The following GUCY1A1 variants were observed in gnomAD, a reference collection of about 807,000 sequenced individuals.
The protein encoded by GUCY1A1 is guanylate cyclase 1 soluble subunit alpha 1, also known as guanylate cyclase soluble subunit alpha-1.
Under a neutral mutation model 64.5 loss-of-function variants are expected in GUCY1A1, and 48 were observed. That is an observed-to-expected ratio of 0.74 (90% CI 0.59 to 0.95). GUCY1A1 has a LOEUF of 0.95. Among genes scored for constraint, GUCY1A1 ranks in the 40% least tolerant of loss-of-function variants. GUCY1A1 has a pLI of 0.00. For missense variants in GUCY1A1, 804 were observed against 825.3 expected, an observed-to-expected ratio of 0.97 and a Z score of 0.32; for synonymous variants, 308 against 303.4, an observed-to-expected ratio of 1.02 and a Z score of -0.16.
chr4:155,686,488 A>T (rs572637575), intron 2 of GUCY1A1, among the ~76,000 whole-genome samples: 3 of 152,244 alleles, frequency 2.0e-5, no homozygotes, highest in Non-Finnish European at 2.9e-5. Flanking sequence ...CTCAAAAAAA[A>T]GAATTATCAC....
intron 2 of GUCY1A1, among the ~76,000 whole-genome samples, chr4:155,681,323 T>A (rs538713800): frequency 1.3e-5 from 2 of 152,286 alleles, no homozygotes; most frequent in East Asian, 1.9e-4. Flanking sequence ...GTATAGTAAG[T>A]ATTTCTATTT....
At chr4:155,679,842 A>T (rs183206478) in intron 2 of GUCY1A1, among the ~76,000 whole-genome samples, 1 of 152,212 alleles carries the variant, frequency 6.6e-6, no homozygotes, top group Non-Finnish European at 1.5e-5. Context: ...ACAAACAAAC[A>T]TATTTTCTTT....
chr4:155,684,098 T>G (rs28663250), intron 2 of GUCY1A1, among the ~76,000 whole-genome samples: 2,678 of 152,302 alleles, frequency 0.018, 79 homozygotes, highest in African/African-American at 0.061. Context: ...GACTCTGTCT[T>G]TATATTGACT....
rs1312611621 is a variant in GUCY1A1 at position 155,735,127 on chromosome 4, C to T, written c.*4896C>T. On this transcript the variant is annotated 3_prime_UTR_variant, in exon 10 of 10. Transcript: ENST00000506455. ...ACTGTACATTTGATTGCCATCTGTACTTCCCTTGAAGCAGCTTTGCTTATT... is the reference window on the plus strand; with the variant it reads ...ACTGTACATTTGATTGCCATCTGTATTTCCCTTGAAGCAGCTTTGCTTATT... 6.6e-6 allele frequency: 1 copy of T among 151,912 alleles called. No homozygotes were observed. The highest frequency in any genetic ancestry group is 2.4e-5 in the African/African-American group (1 of 41,380). 9.4% of individuals were successfully genotyped at this position (151,912 alleles called of 1,614,324 possible).
At chr4:155,716,015 T>A (rs982353543) in intron 7 of GUCY1A1, among the ~76,000 whole-genome samples, 2 of 152,084 alleles carry the variant, frequency 1.3e-5, no homozygotes, top group African/African-American at 4.8e-5. Context: ...TAGCAGGGAC[T>A]GAAGGAAAGG....
At chr4:155,690,577 A>G (rs553604447) in intron 2 of GUCY1A1, among the ~76,000 whole-genome samples, 26 of 152,234 alleles carry the variant, frequency 1.7e-4, no homozygotes, top group Admixed American at 3.9e-4. Context: ...CACCACCATT[A>G]TCTTGCTCTG....
At chr4:155,728,811 C>T (rs993686575) in intron 9 of GUCY1A1, among the ~76,000 whole-genome samples, 1 of 151,736 alleles carries the variant, frequency 6.6e-6, no homozygotes, top group Non-Finnish European at 1.5e-5. Flanking sequence ...ATTATTATCC[C>T]CATTTTAAAG....
chr4:155,697,169 G>A, intron 3 of GUCY1A1, 47 bp downstream of exon 3: 1 of 1,447,576 alleles, frequency 6.9e-7, no homozygotes. Context: ...CTTTGAAATT[G>A]TAGAAGAATG....
At chr4:155,712,718 G>T (rs1419103399) in intron 6 of GUCY1A1, among the ~76,000 whole-genome samples, 1 of 151,998 alleles carries the variant, frequency 6.6e-6, no homozygotes, top group African/African-American at 2.4e-5. Flanking sequence ...GAGGGAAGAA[G>T]GAAGAAAGAA....
intron 4 of GUCY1A1, among the ~76,000 whole-genome samples, chr4:155,707,113 T>C (rs1322845312): frequency 1.3e-5 from 2 of 152,198 alleles, no homozygotes; most frequent in African/African-American, 2.4e-5. Context: ...TAGGAAAATA[T>C]ATAATATTAC....
intron 8 of GUCY1A1, among the ~76,000 whole-genome samples, chr4:155,721,769 C>T (rs975570898): frequency 7.2e-5 from 11 of 152,060 alleles, no homozygotes; most frequent in African/African-American, 2.7e-4. Flanking sequence ...TGCATGGAAA[C>T]TTGTTTCAGA....
At chr4:155,678,122 C>T (rs1735212071) in intron 2 of GUCY1A1, among the ~76,000 whole-genome samples, 2 of 152,064 alleles carry the variant, frequency 1.3e-5, no homozygotes, top group South Asian at 2.1e-4. Context: ...AAAATGTACA[C>T]TTATACTTTA....
chr4:155,674,082 G>A (rs558751065), intron 2 of GUCY1A1, among the ~76,000 whole-genome samples: 26 of 148,470 alleles, frequency 1.8e-4, no homozygotes, highest in Non-Finnish European at 3.2e-4. Context: ...ATGGCCGGGC[G>A]TGGTGGCTCA....
At chr4:155,708,186 T>C (rs764968164) in intron 4 of GUCY1A1, 50 bp from the exon 5 acceptor site, 2 of 906,438 alleles carry the variant, frequency 2.2e-6, no homozygotes, top group Non-Finnish European at 3.6e-6. Flanking sequence ...AATCTGAACT[T>C]TTAGCATGTA....
At position 155,722,183 on chromosome 4, in the gene GUCY1A1, C is replaced by A. The variant is rs183373438; in HGVS notation, c.1862C>A (p.Thr621Lys). The A allele has an allele frequency of 6.8e-6, 11 of 1,612,240 alleles. No homozygotes were observed. In the African/African-American group the frequency reaches 1.1e-4, roughly 16 times the overall value. ...SVPRKINVSP[T>K]TYRLLKDCPG... ...CCACGAAAAATCAATGTCAGCCCAA[C>A]AACTTACAGGTAGTAATTATGTTAA... Residue 621 changes from threonine (T) to lysine (K), a missense_variant, in exon 9 of 10, where the codon ACA becomes AAA. Physicochemically the swap from Thr to Lys is moderately conservative, Grantham distance 78 (BLOSUM62 -1). Coordinates refer to ENST00000506455, the MANE Select transcript of GUCY1A1 (RefSeq NM_001130682.3).
chr4:155,722,120 AT>A lies in GUCY1A1; in HGVS notation c.1800del (p.Asn600LysfsTer84). On this transcript the variant is annotated frameshift_variant, in exon 9 of 10. Coordinates refer to ENST00000506455, the MANE Select transcript of GUCY1A1 (RefSeq NM_001130682.3). LOFTEE classifies it high-confidence loss of function. ...KMPRYCLFGN[N>X]VTLANKFESC... ...CCCCGTTACTGTCTTTTTGGAAACA[AT>A]GTCACTCTGGCTAACAAATTTGAGT... 1 of 1,613,646 alleles carries A rather than the reference AT, an allele frequency of 6.2e-7. No homozygotes were observed. The highest frequency in any genetic ancestry group is 8.5e-7 in the Non-Finnish European group (1 of 1,179,702).
intron 2 of GUCY1A1, among the ~76,000 whole-genome samples, chr4:155,678,684 C>T (rs1298750511): frequency 6.6e-6 from 1 of 152,124 alleles, no homozygotes; most frequent in African/African-American, 2.4e-5. Flanking sequence ...ACCTTTCTGC[C>T]CACATTGCAA....
intron 2 of GUCY1A1, among the ~76,000 whole-genome samples, chr4:155,683,228 C>T (rs947469708): frequency 6.6e-5 from 10 of 151,512 alleles, no homozygotes; most frequent in Non-Finnish European, 1.2e-4. Context: ...TGAAAAACAA[C>T]ACTAATAATA....
At chr4:155,685,102 C>T (rs1047530424) in intron 2 of GUCY1A1, among the ~76,000 whole-genome samples, 4 of 152,130 alleles carry the variant, frequency 2.6e-5, no homozygotes, top group African/African-American at 7.2e-5. Context: ...CTGTTTCTGC[C>T]ACTCACCAGC....
Sources: allele counts gnomAD v4.1 joint callset (sites outside exome capture counted in the v4.1 genomes callset), GRCh38; gene constraint gnomAD v4.1.1; transcripts MANE v1.5; gene names NCBI Gene and HGNC (gene_info 2026-07-23, HGNC 2026-07-21).